OR1J2: variants seen among roughly 807,000 people sequenced by gnomAD.
OR1J2 encodes olfactory receptor 1J2.
For missense variants in OR1J2, 304 were observed against 246.1 expected (o/e 1.24, Z -1.57); for synonymous variants, 142 against 99.7 (o/e 1.42, Z -2.52).
upstream of OR1J2, among the ~76,000 whole-genome samples, chr9:122,507,797 A>C (rs1828554689): frequency 6.6e-6 from 1 of 152,176 alleles, no homozygotes; most frequent in Non-Finnish European, 1.5e-5. Context: ...CTCTCTGGGT[A>C]GATTTGCATT....
the OR1J2 span, among the ~76,000 whole-genome samples, chr9:122,504,893 C>T: frequency 6.6e-6 from 1 of 152,086 alleles, no homozygotes; most frequent in African/African-American, 2.4e-5. Flanking sequence ...CCCAGTGCAC[C>T]AAGTGTCTGG....
chr9:122,505,200 A>G, the OR1J2 span, among the ~76,000 whole-genome samples: 1 of 152,204 alleles, frequency 6.6e-6, no homozygotes, highest in Non-Finnish European at 1.5e-5. Context: ...TAAGTAATTT[A>G]TAAAGAAAAA....
chr9:122,483,999 G>A, the OR1J2 span, among the ~76,000 whole-genome samples: 2 of 152,026 alleles, frequency 1.3e-5, no homozygotes, highest in Non-Finnish European at 2.9e-5. Context: ...TGAATGCACT[G>A]TATATATCAG....
chr9:122,555,807 G>A, the OR1J2 span, among the ~76,000 whole-genome samples: 2 of 152,032 alleles, frequency 1.3e-5, no homozygotes, highest in Admixed American at 6.6e-5. Context: ...CCCAACACAC[G>A]CACAATCTCC....
At chr9:122,505,320 A>T in the OR1J2 span, among the ~76,000 whole-genome samples, 4 of 152,318 alleles carry the variant, frequency 2.6e-5, no homozygotes, top group South Asian at 6.2e-4. Flanking sequence ...AGTTCAGGGC[A>T]TCACATAATA....
chr9:122,536,663 C>G, the OR1J2 span, among the ~76,000 whole-genome samples: 6 of 152,232 alleles, frequency 3.9e-5, no homozygotes, highest in Non-Finnish European at 8.8e-5. Flanking sequence ...AAATATTCTC[C>G]CAGACTCTTG....
At chr9:122,513,891 G>C (rs558639145), downstream of OR1J2, among the ~76,000 whole-genome samples, 14 of 152,236 alleles carry the variant, frequency 9.2e-5, no homozygotes, top group African/African-American at 3.4e-4. Flanking sequence ...TATTAAAGTA[G>C]CCTTGATCCG....
At chr9:122,535,794 A>T in the OR1J2 span, among the ~76,000 whole-genome samples, 1 of 152,160 alleles carries the variant, frequency 6.6e-6, no homozygotes, top group South Asian at 2.1e-4. Flanking sequence ...CATGTGAGCA[A>T]CAAGGCTGTT....
the OR1J2 span, chr9:122,526,715 G>T: frequency 1.9e-6 from 3 of 1,614,126 alleles, no homozygotes; most frequent in Non-Finnish European, 2.5e-6. Flanking sequence ...CCATCATCTC[G>T]TTGATGTGGG....
the OR1J2 span, among the ~76,000 whole-genome samples, chr9:122,450,162 G>A: frequency 6.6e-6 from 1 of 152,086 alleles, no homozygotes; most frequent in African/African-American, 2.4e-5. Flanking sequence ...GTGCATGGTG[G>A]CTCATGCCTG....
At chr9:122,517,856 C>G in the OR1J2 span, among the ~76,000 whole-genome samples, 1 of 152,068 alleles carries the variant, frequency 6.6e-6, no homozygotes, top group East Asian at 1.9e-4. Context: ...AGCTCTTTTT[C>G]CTGATGCTCT....
chr9:122,492,746 T>C, the OR1J2 span, among the ~76,000 whole-genome samples: 1 of 152,202 alleles, frequency 6.6e-6, no homozygotes, highest in African/African-American at 2.4e-5. Context: ...TAGTACTATG[T>C]TGAATAGAAG....
the OR1J2 span, among the ~76,000 whole-genome samples, chr9:122,549,934 A>G: frequency 6.6e-6 from 1 of 152,114 alleles, no homozygotes; most frequent in Non-Finnish European, 1.5e-5. Context: ...CATTGAATCT[A>G]TAGATTGCTT....
chr9:122,556,337 CTG>C, the OR1J2 span, among the ~76,000 whole-genome samples: 2 of 151,040 alleles, frequency 1.3e-5, no homozygotes, highest in South Asian at 2.1e-4. Context: ...GTTGAAGAGA[CTG>C]TTTTCTCCAT....
the OR1J2 span, among the ~76,000 whole-genome samples, chr9:122,541,249 T>C: frequency 2.2e-4 from 34 of 152,240 alleles, no homozygotes; most frequent in Middle Eastern, 3.4e-3. Context: ...AGCAGATGCA[T>C]GAAAACTAAA....
the OR1J2 span, among the ~76,000 whole-genome samples, chr9:122,479,341 C>T: frequency 1.3e-5 from 2 of 152,134 alleles, no homozygotes; most frequent in African/African-American, 4.8e-5. Flanking sequence ...TGTGTCAAGC[C>T]AGAGTAAGTA....
chr9:122,540,597 G>A, the OR1J2 span, among the ~76,000 whole-genome samples: 11 of 151,962 alleles, frequency 7.2e-5, no homozygotes, highest in South Asian at 2.1e-4. Flanking sequence ...TTGGCGATGC[G>A]GGCTCTTTTT....
upstream of OR1J2, among the ~76,000 whole-genome samples, chr9:122,509,724 G>A (rs1480201759): frequency 6.6e-6 from 1 of 152,158 alleles, no homozygotes; most frequent in Admixed American, 6.5e-5. Context: ...TGCAGGTTTT[G>A]CAGGGCCTTT....
chr9:122,511,099 C>CAT lies in OR1J2; in HGVS notation c.299_300insTA (p.Gln100HisfsTer38). The CAT allele has an allele frequency of 9.2e-7, 1 of 1,084,192 alleles. No individual in the cohort carries two copies. Among genetic ancestry groups the CAT allele is most frequent in the Non-Finnish European group, 1.4e-6 (1 of 727,552 alleles). 67.2% of individuals were successfully genotyped at this position (1,084,192 alleles called of 1,614,324 possible). A position where few individuals can be genotyped will look rare whatever the true frequency, so the allele number is the denominator to read the frequency against. On this transcript the variant is annotated frameshift_variant, in exon 1 of 1. Transcript: ENST00000335302. LOFTEE classifies it low-confidence loss of function (END_TRUNC). ...GATCCTCTATGAGGAATGCATTTCT[C>CAT]AGATGTATTTTTTTATATTTTTTAC...
Sources: gnomAD v4.1 joint callset for allele counts (sites outside exome capture counted in the v4.1 genomes callset) on GRCh38, gnomAD v4.1.1 for gene constraint, MANE v1.5 for transcripts, NCBI Gene and HGNC (gene_info 2026-07-23, HGNC 2026-07-21) for gene names.